CACNB4: variants seen among roughly 807,000 people sequenced by gnomAD.
The protein encoded by CACNB4 is calcium voltage-gated channel auxiliary subunit beta 4.
In CACNB4, 32 loss-of-function variants were observed where a neutral mutation model predicts 71.2. The observed-to-expected ratio is 0.45, with a 90% confidence interval of 0.34 to 0.60. The LOEUF (loss-of-function observed/expected upper bound fraction) is 0.60. Among genes scored for constraint, CACNB4 ranks in the 20% least tolerant of loss-of-function variants. The pLI is 0.01. For missense variants in CACNB4, 464 were observed against 647.9 expected, an observed-to-expected ratio of 0.72 and a Z score of 3.08; for synonymous variants, 231 against 236.9, an observed-to-expected ratio of 0.97 and a Z score of 0.23.
rs2099847555 is a variant in CACNB4 at position 151,880,465 on chromosome 2, A to T, written c.390+335T>A. 1.2e-5 allele frequency: 4 copies of T among 334,328 alleles called. No individual in the cohort carries two copies. The Admixed American group carries it at 2.0e-4, about 16-fold the overall frequency. 20.7% of individuals were successfully genotyped at this position (334,328 alleles called of 1,614,324 possible). A position where few individuals can be genotyped will look rare whatever the true frequency, so the allele number is the denominator to read the frequency against. ...TTCTGGGTAGGTGCCATGACACCAAACTTACATTTTCCAAAGTTGGATCCA... is the reference window on the plus strand; with the variant it reads ...TTCTGGGTAGGTGCCATGACACCAATCTTACATTTTCCAAAGTTGGATCCA... On this transcript the variant is annotated intron_variant, in intron 4 of 13. Transcript: ENST00000539935.
At chr2:151,966,462 G>C (rs2099871148) in intron 2 of CACNB4, among the ~76,000 whole-genome samples, 1 of 151,960 alleles carries the variant, frequency 6.6e-6, no homozygotes, top group East Asian at 1.9e-4. Context: ...TATATTTTTA[G>C]TACAGATGGG....
rs34072100 is a variant in CACNB4, at chr2:151,881,879, C to CTTTT, written c.268-961_268-958dup. ...TTTGACTGCATCATTCTCCTCCCAT[C>CTTTT]TTTTTTTTTTTTTTTTTTTGAGACG... On this transcript the variant is annotated intron_variant, in intron 3 of 13. Coordinates refer to ENST00000539935, the MANE Select transcript of CACNB4 (RefSeq NM_000726.5). Among the ~76,000 whole-genome samples, 97 of 133,030 alleles carry CTTTT rather than the reference C, an allele frequency of 7.3e-4. 4 individuals carry two copies. In the East Asian group the frequency reaches 0.011, roughly 15 times the overall value. 87.3% of individuals were successfully genotyped at this position (133,030 alleles called of 152,430 possible).
chr2:151,971,435 C>T, intron 2 of CACNB4: 2 of 698,770 alleles, frequency 2.9e-6, no homozygotes, highest in Non-Finnish European at 5.2e-6. Flanking sequence ...GCTTTTAGTG[C>T]CTATATATTC....
intron 2 of CACNB4, among the ~76,000 whole-genome samples, chr2:152,007,996 T>C (rs926214824): frequency 6.6e-6 from 1 of 152,042 alleles, no homozygotes; most frequent in Non-Finnish European, 1.5e-5. Context: ...GGTCTTGAAC[T>C]CCTGGCCTCA....
chr2:152,040,466 C>T (rs1433186482), intron 2 of CACNB4, among the ~76,000 whole-genome samples: 1 of 151,928 alleles, frequency 6.6e-6, no homozygotes, highest in Non-Finnish European at 1.5e-5. Flanking sequence ...TTTTGAGACA[C>T]AGTCTTGCTC....
chr2:151,964,033 C>T (rs375349216), intron 2 of CACNB4, among the ~76,000 whole-genome samples: 8 of 137,766 alleles, frequency 5.8e-5, no homozygotes, highest in African/African-American at 2.2e-4. Flanking sequence ...CGTGCCACTG[C>T]ACTCCAACCT....
intron 13 of CACNB4, chr2:151,841,645 A>T: frequency 2.5e-6 from 1 of 400,836 alleles, no homozygotes; most frequent in Non-Finnish European, 4.5e-6. Flanking sequence ...AGCAGAGTTT[A>T]GACATAGGAG....
At chr2:151,994,277 T>C (rs1179854383) in intron 2 of CACNB4, among the ~76,000 whole-genome samples, 1 of 152,062 alleles carries the variant, frequency 6.6e-6, no homozygotes, top group African/African-American at 2.4e-5. Context: ...TCGCCCAGGC[T>C]GGAGTGCAGT....
intron 2 of CACNB4, among the ~76,000 whole-genome samples, chr2:152,072,298 C>A (rs1686738937): frequency 6.6e-6 from 1 of 152,210 alleles, no homozygotes; most frequent in African/African-American, 2.4e-5. Flanking sequence ...TCTGGAGGCA[C>A]AGATCTGGGG....
chr2:151,986,951 T>C (rs1045878146), intron 2 of CACNB4, among the ~76,000 whole-genome samples: 1 of 152,030 alleles, frequency 6.6e-6, no homozygotes, highest in African/African-American at 2.4e-5. Flanking sequence ...AAAGTGGTCA[T>C]CTCCTACCAC....
At chr2:152,090,745 C>G (rs551407851) in intron 2 of CACNB4, among the ~76,000 whole-genome samples, 2 of 151,894 alleles carry the variant, frequency 1.3e-5, no homozygotes, top group African/African-American at 2.4e-5. Context: ...AATATTTATT[C>G]TACAGAAATG....
chr2:151,933,958 TGAG>T (rs1300905421), intron 2 of CACNB4, among the ~76,000 whole-genome samples: 4 of 152,200 alleles, frequency 2.6e-5, no homozygotes, highest in Non-Finnish European at 2.9e-5. Flanking sequence ...ATCAGAAGCC[TGAG>T]GAGGACAACA....
intron 2 of CACNB4, among the ~76,000 whole-genome samples, chr2:152,021,119 C>A (rs1019805978): frequency 6.6e-6 from 1 of 152,008 alleles, no homozygotes; most frequent in Admixed American, 6.6e-5. Context: ...TGGTGGCGAG[C>A]GCCTGTAGTC....
intron 2 of CACNB4, among the ~76,000 whole-genome samples, chr2:151,884,952 A>T (rs910660111): frequency 6.6e-6 from 1 of 152,152 alleles, no homozygotes; most frequent in African/African-American, 2.4e-5. Context: ...GAGTGGGGGA[A>T]AAAGCTTTAA....
intron 2 of CACNB4, among the ~76,000 whole-genome samples, chr2:151,946,383 C>A (rs1266142632): frequency 6.6e-6 from 1 of 151,752 alleles, no homozygotes; most frequent in Non-Finnish European, 1.5e-5. Context: ...TCCTGGTTTG[C>A]CTGGGACTTC....
chr2:151,846,215 T>C (rs2099837530), intron 12 of CACNB4, among the ~76,000 whole-genome samples: 2 of 152,214 alleles, frequency 1.3e-5, no homozygotes, highest in South Asian at 4.1e-4. Flanking sequence ...CTATCACTGC[T>C]AAACCTTGAA....
intron 2 of CACNB4, among the ~76,000 whole-genome samples, chr2:151,950,340 A>C (rs2099866623): frequency 1.3e-5 from 2 of 152,194 alleles, no homozygotes; most frequent in South Asian, 4.1e-4. Context: ...TCCTGACTTC[A>C]TTGATGTCTG....
intron 2 of CACNB4, among the ~76,000 whole-genome samples, chr2:152,074,317 C>T (rs560295933): frequency 5.3e-4 from 80 of 151,984 alleles, no homozygotes; most frequent in Admixed American, 1.2e-3. Context: ...CCACCATCGC[C>T]GCCACCAGCA....
At chr2:151,926,953 C>T (rs998570334) in intron 2 of CACNB4, among the ~76,000 whole-genome samples, 10 of 152,158 alleles carry the variant, frequency 6.6e-5, no homozygotes, top group African/African-American at 2.4e-4. Flanking sequence ...AACATGCTAC[C>T]GTATCACAAC....
Sources: gnomAD v4.1 joint callset for allele counts (sites outside exome capture counted in the v4.1 genomes callset) on GRCh38, gnomAD v4.1.1 for gene constraint, MANE v1.5 for transcripts, NCBI Gene and HGNC (gene_info 2026-07-23, HGNC 2026-07-21) for gene names.